Variants in ARHGEF19 observed in about 807,000 individuals in gnomAD.
ARHGEF19 encodes the protein Rho guanine nucleotide exchange factor (GEF) 19.
ARHGEF19 carries 92 observed loss-of-function variants against 87.6 expected under a neutral mutation model. The ratio of observed to expected loss-of-function variants is 1.05; its 90% CI spans 0.89 to 1.25. ARHGEF19 has a LOEUF of 1.25. ARHGEF19 is among the 50% of genes most tolerant of loss of function. The pLI, the probability that ARHGEF19 is intolerant of heterozygous loss-of-function variation, is 0.00. For missense variants in ARHGEF19, 1,054 were observed against 1,051.8 expected (o/e 1.00, Z -0.03); for synonymous variants, 438 against 446.2 (o/e 0.98, Z 0.23).
In ARHGEF19 at chr1:16,207,640, C is replaced by G; in HGVS notation, c.797+35G>C. On this transcript the variant is annotated intron_variant, in intron 4 of 15. Transcript: ENST00000270747. This position sits in a 1 kb window ranked among gnomAD's most constrained non-coding sequence, Gnocchi z 4.0. ...GTCACGGCCCTAGTTCGCCTGCACC[C>G]TGTCTCGGACCCAAGCCCAAACGGG... 1 of 1,614,068 alleles carries G rather than the reference C, an allele frequency of 6.2e-7. No individual in the cohort carries two copies. The highest frequency in any genetic ancestry group is 8.5e-7 in the Non-Finnish European group (1 of 1,179,988).
intron 1 of ARHGEF19, among the ~76,000 whole-genome samples, chr1:16,211,871 T>A (rs74054959): frequency 0.043 from 6,533 of 152,254 alleles, 447 homozygotes; most frequent in African/African-American, 0.15. Flanking sequence ...TAGAGACTCT[T>A]GTGTCTACTA....
At chr1:16,204,953 GGGCACCA>G (rs753697501) in intron 11 of ARHGEF19, 34 bp from the exon 12 acceptor site, 3 of 1,585,136 alleles carry the variant, frequency 1.9e-6, no homozygotes, top group East Asian at 4.6e-5. Context: ...TCAGGCCCAG[GGGCACCA>G]GGCAGAGAGC....
chr1:16,209,168 CTGTGTACACT>C (rs2081175456), intron 1 of ARHGEF19, 85 bp from the exon 2 acceptor site: 5 of 1,015,012 alleles, frequency 4.9e-6, no homozygotes, highest in Non-Finnish European at 6.7e-6. Flanking sequence ...GGACAAACCC[CTGTGTACACT>C]TGTGTACACA....
intron 12 of ARHGEF19, 28 bp downstream of exon 12, chr1:16,204,731 C>T: frequency 3.3e-6 from 5 of 1,536,788 alleles, no homozygotes; most frequent in Non-Finnish European, 4.4e-6. Context: ...TCCACTTTAC[C>T]TACCCACCCC....
In ARHGEF19 at chr1:16,207,882, C is replaced by CGGGG; in HGVS notation, c.694+61_694+62insCCCC. The CGGGG allele has an allele frequency of 6.1e-6, 9 of 1,478,750 alleles. No homozygotes were observed. Among genetic ancestry groups the CGGGG allele is most frequent in the Non-Finnish European group, 8.4e-6 (9 of 1,072,430 alleles). The allele number at this position is 1,478,750 out of a possible 1,614,324, so 91.6% of individuals were successfully genotyped here. On this transcript the variant is annotated intron_variant, in intron 3 of 15. Coordinates refer to ENST00000270747, the MANE Select transcript of ARHGEF19 (RefSeq NM_153213.5). This position sits in a 1 kb window ranked among gnomAD's most constrained non-coding sequence, Gnocchi z 4.0. ...CCTCAGGCGGCCGGTGAGTGGGCAT[C>CGGGG]GCCCACCCCCACCCCCACCCGGCAT...
In ARHGEF19 at chr1:16,207,708, C is replaced by T; in HGVS notation, c.764G>A (p.Gly255Asp). ...GGACCAATCGCCCTCTCGTGAGTCA[C>T]CAGGGGCTGGCCGCGACACCCGGTC... ...SGDRVSRPAPGDSREGDWSEP... is the reference protein window; with the variant it reads ...SGDRVSRPAPDDSREGDWSEP... The change falls in exon 4 of 16, where the codon GGT becomes GAT. Residue 255 changes from glycine to aspartate, a missense_variant. Physicochemically the swap from Gly to Asp is moderately conservative, Grantham distance 94. Transcript: ENST00000270747. The surrounding 1 kb of genome is among the most constrained non-coding windows in gnomAD (Gnocchi z 4.0). The T allele has an allele frequency of 6.2e-7, 1 of 1,614,060 alleles. No individual in the cohort carries two copies. The highest frequency in any genetic ancestry group is 8.5e-7 in the Non-Finnish European group (1 of 1,180,038).
At position 16,198,801 on chromosome 1, in the gene ARHGEF19, G is replaced by A; in HGVS notation, c.2252-57C>T. The A allele has an allele frequency of 6.5e-7, 1 of 1,537,916 alleles. No homozygotes were observed. The highest frequency in any genetic ancestry group is 8.8e-7 in the Non-Finnish European group (1 of 1,139,832). ...CAAAGGGGTACCAGGGCCAGGCCTG[G>A]AAGGGAACACCACAGCCCTGATGCA... On this transcript the variant is annotated intron_variant, in intron 15 of 15. Transcript: ENST00000270747. The surrounding 1 kb of genome is among the most constrained non-coding windows in gnomAD (Gnocchi z 4.1).
At chr1:16,199,331 G>T in intron 14 of ARHGEF19, 77 bp from the exon 15 acceptor site, 1 of 1,238,872 alleles carries the variant, frequency 8.1e-7, no homozygotes, top group Non-Finnish European at 1.2e-6. Context: ...GCAGGGAGGG[G>T]CAGTAGGAGG....
intron 12 of ARHGEF19, 50 bp from the exon 13 acceptor site, chr1:16,202,624 G>C (rs761242107): frequency 6.9e-6 from 11 of 1,584,466 alleles, no homozygotes; most frequent in Non-Finnish European, 8.6e-6. Flanking sequence ...CCTGGCTCTA[G>C]GCACCCACCC....
Position 16,202,526 on chromosome 1 carries a change from C to G in ARHGEF19, c.1956G>C (p.Gln652His). The change falls in exon 13 of 16, where the codon CAG becomes CAC. Residue 652 changes from glutamine (Q) to histidine (H), a missense_variant. Transcript: ENST00000270747. ...VFVHAKMAEL[Q>H]VRDLSLKLQG... is the part of the protein sequence containing the mutation. Reference sequence around the variant, plus strand: ...GCAGCTTCAGGCTCAGGTCCCGCACCTGCAGCTCAGCCATCTTGGCATGGA... The same window carrying G: ...GCAGCTTCAGGCTCAGGTCCCGCACGTGCAGCTCAGCCATCTTGGCATGGA... 6.2e-7 allele frequency: 1 copy of G among 1,614,224 alleles called. No homozygotes were observed. Among genetic ancestry groups the G allele is most frequent in the Non-Finnish European group, 8.5e-7 (1 of 1,180,040 alleles).
In ARHGEF19 at chr1:16,207,536, C is replaced by G; in HGVS notation, c.860G>C (p.Arg287Pro). Reference sequence around the variant, plus strand: ...CTCCCACGTACAGTTAAGGAGGAATCGAGACTGGCGCCGCTCGTTGGTGCT... The same window carrying G: ...CTCCCACGTACAGTTAAGGAGGAATGGAGACTGGCGCCGCTCGTTGGTGCT... ...SRSTNERRQS[R>P]FLLNSVLYQE... The change falls in exon 5 of 16, where the codon CGA (arginine) becomes CCA (proline). Residue 287 changes from arginine to proline, a missense_variant. Arg to Pro is a moderately radical substitution (Grantham distance 103). Coordinates refer to ENST00000270747, the MANE Select transcript of ARHGEF19 (RefSeq NM_153213.5). This position sits in a 1 kb window ranked among gnomAD's most constrained non-coding sequence, Gnocchi z 4.0. 1 of 1,613,962 alleles carries G rather than the reference C, an allele frequency of 6.2e-7. No homozygotes were observed. The highest frequency in any genetic ancestry group is 8.5e-7 in the Non-Finnish European group (1 of 1,179,974).
chr1:16,211,062 A>T (rs2081192445), intron 1 of ARHGEF19, among the ~76,000 whole-genome samples: 1 of 152,150 alleles, frequency 6.6e-6, no homozygotes, highest in African/African-American at 2.4e-5. Context: ...TTGTACCATC[A>T]GCCTCTGTCC....
Position 16,207,831 on chromosome 1 carries a change from G to C in ARHGEF19, c.695-54C>G. 6.3e-7 allele frequency: 1 copy of C among 1,597,018 alleles called. No individual in the cohort carries two copies. Among genetic ancestry groups the C allele is most frequent in the Non-Finnish European group, 8.5e-7 (1 of 1,172,488 alleles). ...GGTCCAGAGAGTGGGCCTGGGGCCT[G>C]GGCCCCGGCCCAGGCACCCTGACGG... is the stretch of plus-strand genomic sequence containing the variant. On this transcript the variant is annotated intron_variant, in intron 3 of 15. Coordinates refer to ENST00000270747, the MANE Select transcript of ARHGEF19 (RefSeq NM_153213.5). This position sits in a 1 kb window ranked among gnomAD's most constrained non-coding sequence, Gnocchi z 4.0.
chr1:16,211,257 C>G (rs2132851), intron 1 of ARHGEF19, among the ~76,000 whole-genome samples: 51,257 of 152,032 alleles, frequency 0.34, 11,250 homozygotes, highest in African/African-American at 0.63. Context: ...GGAGTGTGCA[C>G]AAGGAGGCCC....
chr1:16,211,148 T>A (rs1557544417), intron 1 of ARHGEF19, among the ~76,000 whole-genome samples: 1 of 152,168 alleles, frequency 6.6e-6, no homozygotes, highest in Non-Finnish European at 1.5e-5. Flanking sequence ...AGGATAGTAT[T>A]TTTATTATCA....
chr1:16,204,658 G>A lies in ARHGEF19; in HGVS notation c.1907+101C>T, dbSNP rs917869902. ...TGGCAGCATACCCTGGCACAGGCAG[G>A]GACTCCCAGGCCCAGGGATGGACTG... On this transcript the variant is annotated intron_variant, in intron 12 of 15. Transcript: ENST00000270747. 8 of 1,379,632 alleles carry A rather than the reference G, an allele frequency of 5.8e-6. No individual in the cohort carries two copies. The East Asian group carries it at 9.9e-5, about 17-fold the overall frequency. 85.5% of individuals were successfully genotyped at this position (1,379,632 alleles called of 1,614,324 possible).
chr1:16,208,575 G>T, intron 2 of ARHGEF19, 68 bp downstream of exon 2: 1 of 1,496,818 alleles, frequency 6.7e-7, no homozygotes, highest in Non-Finnish European at 8.9e-7. Flanking sequence ...AAAGGTTAAG[G>T]AGCTGCCCAG....
In ARHGEF19 at chr1:16,205,518, G is replaced by T; in HGVS notation, c.1581+20C>A. On this transcript the variant is annotated intron_variant, in intron 9 of 15. Coordinates refer to ENST00000270747, the MANE Select transcript of ARHGEF19 (RefSeq NM_153213.5). The surrounding 1 kb of genome is among the most constrained non-coding windows in gnomAD (Gnocchi z 5.8). Reference sequence around the variant, plus strand: ...ATCTCCCTCGCCCAGCCCTCACTGTGGCCTGTCCCCTCGAGGTACCTCCAC... The same window carrying T: ...ATCTCCCTCGCCCAGCCCTCACTGTTGCCTGTCCCCTCGAGGTACCTCCAC... 2 of 1,613,858 alleles carry T rather than the reference G, an allele frequency of 1.2e-6. No individual in the cohort carries two copies. Among genetic ancestry groups the T allele is most frequent in the Non-Finnish European group, 1.7e-6 (2 of 1,179,936 alleles).
At position 16,205,694 on chromosome 1, in the gene ARHGEF19, C is replaced by A; in HGVS notation, c.1452-27G>T. On this transcript the variant is annotated intron_variant, in intron 8 of 15. Coordinates refer to ENST00000270747, the MANE Select transcript of ARHGEF19 (RefSeq NM_153213.5). This position sits in a 1 kb window ranked among gnomAD's most constrained non-coding sequence, Gnocchi z 5.8. ...TGGAAAATGGGGAGGACTCTGGAAT[C>A]ACAGGTAGGCCTGAATTCCTGGGAT... 6.3e-7 allele frequency: 1 copy of A among 1,585,780 alleles called. No homozygotes were observed. The highest frequency in any genetic ancestry group is 1.9e-5 in the Admixed American group (1 of 53,326).
Sources: gnomAD v4.1 joint callset for allele counts (sites outside exome capture counted in the v4.1 genomes callset) on GRCh38, gnomAD v4.1.1 for gene constraint, Gnocchi (gnomAD v3.1) non-coding constraint, MANE v1.5 for transcripts, NCBI Gene and HGNC (gene_info 2026-07-23, HGNC 2026-07-21) for gene names.